Variants in C3orf22 observed in about 807,000 individuals in gnomAD.
C3orf22 encodes uncharacterized protein C3orf22.
A neutral mutation model predicts 10.8 loss-of-function variants in C3orf22; 7 were observed. The ratio of observed to expected loss-of-function variants is 0.65; its 90% CI spans 0.37 to 1.22. The LOEUF is 1.22. Ranked by LOEUF, C3orf22 falls within the 50% of genes most tolerant of loss-of-function variation. The pLI is 0.02. For missense variants in C3orf22, 173 were observed against 177.0 expected, an observed-to-expected ratio of 0.98 and a Z score of 0.13; for synonymous variants, 79 against 78.9, an observed-to-expected ratio of 1.00 and a Z score of 0.00.
intron 1 of C3orf22, among the ~76,000 whole-genome samples, chr3:126,555,411 ACG>A (rs1019920117): frequency 2.6e-5 from 4 of 152,168 alleles, no homozygotes; most frequent in South Asian, 4.1e-4. Context: ...GAGACCTGAC[ACG>A]GTGCAGGCTA....
chr3:126,557,175 C>T (rs1359618913), intron 1 of C3orf22, among the ~76,000 whole-genome samples: 1 of 152,226 alleles, frequency 6.6e-6, no homozygotes, highest in Non-Finnish European at 1.5e-5. Context: ...CACACACAGG[C>T]AGGTGGCCAT....
intron 5 of C3orf22, among the ~76,000 whole-genome samples, chr3:126,528,908 G>T (rs1936589953): frequency 6.6e-6 from 1 of 152,246 alleles, no homozygotes; most frequent in African/African-American, 2.4e-5. Context: ...ACCCCAGAAA[G>T]CCCCTAGGGG....
In C3orf22 at chr3:126,540,862, C is replaced by G. The variant is rs554647698; in HGVS notation, c.286+8675G>C. Among the ~76,000 whole-genome samples the G allele has an allele frequency of 4.6e-5, 7 of 152,354 alleles. No individual in the cohort carries two copies. In the East Asian group the frequency reaches 1.2e-3, roughly 25 times the overall value. On this transcript the variant is annotated intron_variant and NMD_transcript_variant, in intron 4 of 5. Coordinates refer to the C3orf22 transcript ENST00000505070. ...AAGCTCCAGTTTCTCCACATCCTCACCAATTCCTAATTGTCTTTTTAATTA... is the reference window on the plus strand; with the variant it reads ...AAGCTCCAGTTTCTCCACATCCTCAGCAATTCCTAATTGTCTTTTTAATTA...
At position 126,549,791 on chromosome 3, in the gene C3orf22, A is replaced by G. The variant is rs1018853484; in HGVS notation, c.*77T>C. ...GGCCATGAAGGCTGATCCCTTTACT[A>G]AAGTCTCTGTGGCTACTGCCCAGAG... On this transcript the variant is annotated 3_prime_UTR_variant, in exon 4 of 4. Coordinates refer to ENST00000318225, the MANE Select transcript of C3orf22 (RefSeq NM_152533.3). 4 of 1,533,300 alleles carry G rather than the reference A, an allele frequency of 2.6e-6. No individual in the cohort carries two copies. The African/African-American group carries it at 4.1e-5, about 16-fold the overall frequency. 95.0% of individuals were successfully genotyped at this position (1,533,300 alleles called of 1,614,324 possible).
At chr3:126,551,891 C>T (rs547498913) in intron 3 of C3orf22, 106 bp downstream of exon 3, 9 of 1,253,866 alleles carry the variant, frequency 7.2e-6, no homozygotes, top group South Asian at 4.6e-5. Context: ...TAAAGTGGCG[C>T]GTGCTGGGAG....
intron 1 of C3orf22, among the ~76,000 whole-genome samples, chr3:126,553,679 C>T (rs1334221016): frequency 6.6e-6 from 1 of 152,240 alleles, no homozygotes; most frequent in Non-Finnish European, 1.5e-5. Flanking sequence ...CGCCTGTCCA[C>T]AGCCCGGTTC....
At chr3:126,551,884 A>G in intron 3 of C3orf22, 113 bp downstream of exon 3, 1 of 1,194,370 alleles carries the variant, frequency 8.4e-7, no homozygotes, top group Non-Finnish European at 1.2e-6. Context: ...TCAGCTTTAA[A>G]GTGGCGCGTG....
At chr3:126,539,518 A>C (rs1182972935) in intron 4 of C3orf22, among the ~76,000 whole-genome samples, 1 of 134,760 alleles carries the variant, frequency 7.4e-6, no homozygotes, top group Non-Finnish European at 1.6e-5. Context: ...CACCCCACAC[A>C]CCCCACACCA....
chr3:126,537,580 T>C (rs995749636), intron 4 of C3orf22, among the ~76,000 whole-genome samples: 1 of 152,134 alleles, frequency 6.6e-6, no homozygotes, highest in African/African-American at 2.4e-5. Flanking sequence ...AGAGTGTGAC[T>C]GACTGACTCT....
intron 4 of C3orf22, among the ~76,000 whole-genome samples, chr3:126,537,605 G>C (rs562971812): frequency 4.6e-5 from 7 of 152,310 alleles, no homozygotes; most frequent in African/African-American, 1.2e-4. Flanking sequence ...CACACAGCAG[G>C]CTGACGGTAG....
At position 126,551,981 on chromosome 3, in the gene C3orf22, C is replaced by G. The variant is rs768706606; in HGVS notation, c.215+16G>C. 2 of 1,578,744 alleles carry G rather than the reference C, an allele frequency of 1.3e-6. No individual in the cohort carries two copies. The highest frequency in any genetic ancestry group is 1.9e-5 in the Admixed American group (1 of 52,756). On this transcript the variant is annotated intron_variant, in intron 3 of 3. Transcript: ENST00000318225. Reference sequence around the variant, plus strand: ...ACACAGCCAGTGGGGGTGGTGGCATCAGGGCAGGGACTTACCCTCGGACTG... The same window carrying G: ...ACACAGCCAGTGGGGGTGGTGGCATGAGGGCAGGGACTTACCCTCGGACTG...
At chr3:126,543,634 G>C (rs1445972986) in intron 4 of C3orf22, among the ~76,000 whole-genome samples, 2 of 152,076 alleles carry the variant, frequency 1.3e-5, no homozygotes, top group East Asian at 3.8e-4. Flanking sequence ...ACCTTTGTGC[G>C]TGTGTGACTG....
intron 4 of C3orf22, chr3:126,542,710 C>CG (rs1343832658): frequency 6.9e-6 from 9 of 1,298,058 alleles, no homozygotes; most frequent in Non-Finnish European, 4.9e-6. Flanking sequence ...GCCGGGCCAG[C>CG]GGGCGCAGGG....
intron 2 of C3orf22, among the ~76,000 whole-genome samples, 196 bp from the exon 3 acceptor site, chr3:126,552,318 G>A (rs899720513): frequency 6.6e-6 from 1 of 152,242 alleles, no homozygotes; most frequent in Non-Finnish European, 1.5e-5. Context: ...AGGCACAGAG[G>A]TTCCACAGCC....
intron 4 of C3orf22, among the ~76,000 whole-genome samples, chr3:126,540,463 CCTCA>C (rs1024681805): frequency 2.6e-5 from 4 of 152,142 alleles, no homozygotes; most frequent in African/African-American, 9.7e-5. Context: ...GCTCTAGGGA[CCTCA>C]CTAAGTGGGA....
intron 1 of C3orf22, among the ~76,000 whole-genome samples, chr3:126,558,157 C>A (rs1231626937): frequency 6.6e-6 from 1 of 152,226 alleles, no homozygotes; most frequent in Non-Finnish European, 1.5e-5. Flanking sequence ...CTATGCATAA[C>A]CTCACTTCAT....
intron 1 of C3orf22, among the ~76,000 whole-genome samples, chr3:126,558,056 G>A (rs1338244018): frequency 1.3e-5 from 2 of 152,242 alleles, no homozygotes; most frequent in Non-Finnish European, 2.9e-5. Flanking sequence ...TGAGGAGTGC[G>A]GGGCAGGGGA....
chr3:126,531,107 A>C (rs1439272721), intron 4 of C3orf22, among the ~76,000 whole-genome samples: 1 of 152,282 alleles, frequency 6.6e-6, no homozygotes, highest in Non-Finnish European at 1.5e-5. Flanking sequence ...TCTGCCTGCC[A>C]GGCACTGCGC....
At chr3:126,538,393 G>A (rs1873400) in intron 4 of C3orf22, among the ~76,000 whole-genome samples, 51,667 of 152,172 alleles carry the variant, frequency 0.34, 9,268 homozygotes, top group African/African-American at 0.45. Context: ...TTCACCCTAA[G>A]GGAGTCTTTC....
Sources: gnomAD v4.1 joint callset for allele counts (sites outside exome capture counted in the v4.1 genomes callset) on GRCh38, gnomAD v4.1.1 for gene constraint, MANE v1.5 for transcripts, NCBI Gene and HGNC (gene_info 2026-07-23, HGNC 2026-07-21) for gene names.